Variants in GRM1 observed in about 807,000 individuals in gnomAD.
GRM1 encodes metabotropic glutamate receptor 1.
A neutral mutation model predicts 90.9 loss-of-function variants in GRM1; 33 were observed. The ratio of observed to expected loss-of-function variants is 0.36; its 90% CI spans 0.28 to 0.49. GRM1 has a LOEUF of 0.49. GRM1 is among the 20% of genes least tolerant of loss of function. The probability of loss-of-function intolerance (pLI) is 0.99; values close to 1 mark genes in which losing one functional copy is unlikely to be tolerated. For synonymous variants in GRM1, 700 were observed against 613.2 expected (o/e 1.14, Z -2.09); for missense variants, 1,190 against 1,534.3 (o/e 0.78, Z 3.75).
chr6:146,189,808 C>T (rs1778875360), intron 2 of GRM1, among the ~76,000 whole-genome samples: 1 of 152,158 alleles, frequency 6.6e-6, no homozygotes, highest in Non-Finnish European at 1.5e-5. Flanking sequence ...ATTGACCTTC[C>T]ACCGAGGTAG....
intron 2 of GRM1, among the ~76,000 whole-genome samples, chr6:146,179,359 C>T (rs1778455962): frequency 1.3e-5 from 2 of 152,124 alleles, no homozygotes; most frequent in South Asian, 4.1e-4. Context: ...CCAGCTAAGC[C>T]TTTGGAGAAG....
intron 1 of GRM1, among the ~76,000 whole-genome samples, chr6:146,095,066 G>T (rs1029458712): frequency 6.6e-6 from 1 of 152,124 alleles, no homozygotes; most frequent in African/African-American, 2.4e-5. Context: ...CACTGAAATT[G>T]AAGTTTTAAG....
chr6:146,357,916 A>G (rs911947413), intron 5 of GRM1, among the ~76,000 whole-genome samples: 3 of 152,228 alleles, frequency 2.0e-5, no homozygotes, highest in African/African-American at 4.8e-5. Context: ...TTGAATCACA[A>G]TGATGGACTG....
At chr6:146,139,966 CCTTCCCTCCGCTTCCCTCCG>C (rs1223485980) in intron 1 of GRM1, among the ~76,000 whole-genome samples, 34 of 107,000 alleles carry the variant, frequency 3.2e-4, no homozygotes, top group African/African-American at 7.3e-4. Flanking sequence ...CCTTCCCTTC[CCTTCCCTCCGCTTCCCTCCG>C]CTTCCCTCCG....
rs915257451 is a variant in GRM1 at position 146,045,680 on chromosome 6, C to G, written c.700+15463C>G. 2.3e-5 allele frequency among the ~76,000 whole-genome samples: 3 copies of G among 129,150 alleles called. No individual in the cohort carries two copies. In the East Asian group the frequency reaches 7.1e-4, roughly 31 times the overall value. 84.7% of individuals were successfully genotyped at this position (129,150 alleles called of 152,430 possible). A position where few individuals can be genotyped will look rare whatever the true frequency, so the allele number is the denominator to read the frequency against. ...TCCAAGAACCAGCAACATTAGAAGT[C>G]TTTGGTTTTTACTAAATTTGTTGTA... is the stretch of plus-strand genomic sequence containing the variant. On this transcript the variant is annotated intron_variant, in intron 1 of 7. Transcript: ENST00000282753.
At chr6:146,313,781 C>T (rs1309921303) in intron 3 of GRM1, among the ~76,000 whole-genome samples, 5 of 152,134 alleles carry the variant, frequency 3.3e-5, no homozygotes, top group South Asian at 2.1e-4. Context: ...GCCCAAGAAA[C>T]ATTTACTGCA....
At chr6:146,301,758 A>T (rs1199694114) in intron 2 of GRM1, among the ~76,000 whole-genome samples, 1 of 152,162 alleles carries the variant, frequency 6.6e-6, no homozygotes, top group South Asian at 2.1e-4. Flanking sequence ...ATTGCTCTAG[A>T]TGTAGTTAAG....
intron 2 of GRM1, among the ~76,000 whole-genome samples, chr6:146,264,754 C>T (rs1452467528): frequency 6.6e-6 from 1 of 152,036 alleles, no homozygotes; most frequent in African/African-American, 2.4e-5. Context: ...GTGCCCATTG[C>T]TTAGCTCCTA....
intron 2 of GRM1, among the ~76,000 whole-genome samples, chr6:146,183,071 C>A (rs1411483771): frequency 2.0e-5 from 3 of 152,118 alleles, no homozygotes; most frequent in African/African-American, 7.2e-5. Context: ...TTCTAAGATT[C>A]AGGCTCCTTC....
chr6:146,396,070 A>ATCTATCTATCTC (rs1776915919), intron 6 of GRM1, among the ~76,000 whole-genome samples: 1 of 10,538 alleles, frequency 9.5e-5, no homozygotes, highest in Non-Finnish European at 1.9e-4. Flanking sequence ...CCTATCCATC[A>ATCTATCTATCTC]TCTATCTATC....
chr6:146,217,608 G>T (rs181500840), intron 2 of GRM1, among the ~76,000 whole-genome samples: 1 of 152,298 alleles, frequency 6.6e-6, no homozygotes, highest in Admixed American at 6.5e-5. Context: ...AGAGAGGAAT[G>T]TAGGTGCCTA....
At chr6:146,353,129 C>T (rs1380893575) in intron 4 of GRM1, among the ~76,000 whole-genome samples, 1 of 152,224 alleles carries the variant, frequency 6.6e-6, no homozygotes, top group Non-Finnish European at 1.5e-5. Context: ...AGCCGTTTTA[C>T]ATACAGTCTG....
chr6:146,311,852 CAT>C (rs970460003), intron 3 of GRM1, among the ~76,000 whole-genome samples: 8 of 152,098 alleles, frequency 5.3e-5, no homozygotes, highest in Admixed American at 1.3e-4. Flanking sequence ...TTTGATTGAT[CAT>C]ATGATTTTTC....
intron 7 of GRM1, 65 bp from the exon 8 acceptor site, chr6:146,433,807 T>G: frequency 8.5e-7 from 1 of 1,181,518 alleles, no homozygotes; most frequent in Non-Finnish European, 1.3e-6. Context: ...GCATATGTTT[T>G]CTATGTATTT....
At chr6:146,259,212 T>C (rs1051944246) in intron 2 of GRM1, among the ~76,000 whole-genome samples, 1 of 152,172 alleles carries the variant, frequency 6.6e-6, no homozygotes, top group African/African-American at 2.4e-5. Flanking sequence ...ACAATCAATT[T>C]TGATGAAATT....
intron 2 of GRM1, among the ~76,000 whole-genome samples, chr6:146,188,918 A>G (rs1007854801): frequency 2.0e-5 from 3 of 152,074 alleles, no homozygotes; most frequent in Admixed American, 1.3e-4. Flanking sequence ...CAGTTTTCTT[A>G]TTTGTTGATT....
chr6:146,336,917 G>T (rs188371478), intron 3 of GRM1, among the ~76,000 whole-genome samples: 3 of 152,326 alleles, frequency 2.0e-5, no homozygotes, highest in Admixed American at 1.3e-4. Context: ...GCCATTGAAA[G>T]GTTGCCCACT....
At chr6:146,404,364 C>T (rs1373994743) in intron 7 of GRM1, among the ~76,000 whole-genome samples, 1 of 152,016 alleles carries the variant, frequency 6.6e-6, no homozygotes, top group African/African-American at 2.4e-5. Flanking sequence ...CTGACTGCAC[C>T]AATCTTGCAA....
intron 1 of GRM1, among the ~76,000 whole-genome samples, chr6:146,089,704 C>T (rs1255866484): frequency 6.6e-6 from 1 of 152,030 alleles, no homozygotes; most frequent in African/African-American, 2.4e-5. Context: ...AGGTTGCTTT[C>T]TAAAGAAGCT....
Sources: allele counts gnomAD v4.1 joint callset (sites outside exome capture counted in the v4.1 genomes callset), GRCh38; gene constraint gnomAD v4.1.1; transcripts MANE v1.5; gene names NCBI Gene and HGNC (gene_info 2026-07-23, HGNC 2026-07-21).